Variants in ARHGAP31 observed in about 807,000 individuals in gnomAD.
ARHGAP31 encodes the protein Rho GTPase activating protein 31.
Under a neutral mutation model 113.9 loss-of-function variants are expected in ARHGAP31, and 34 were observed. The observed-to-expected ratio is 0.30, with a 90% CI of 0.23 to 0.40. ARHGAP31 has a LOEUF of 0.40. Ranked by LOEUF, ARHGAP31 falls within the 10% of genes least tolerant of loss-of-function variation. The pLI, the probability that ARHGAP31 is intolerant of heterozygous loss-of-function variation, is 1.00. For missense variants in ARHGAP31, 1,548 were observed against 1,767.1 expected (o/e 0.88, Z 2.22); for synonymous variants, 650 against 684.8 (o/e 0.95, Z 0.79).
At chr3:119,365,466 G>GTGTCCATGCCTC in intron 2 of ARHGAP31, 48 bp downstream of exon 2, 2 of 1,502,516 alleles carry the variant, frequency 1.3e-6, no homozygotes, top group Non-Finnish European at 1.8e-6. Flanking sequence ...GATTCCTCCT[G>GTGTCCATGCCTC]TGTCCATGCC....
chr3:119,302,832 C>T (rs2079596569), intron 1 of ARHGAP31, among the ~76,000 whole-genome samples: 1 of 152,156 alleles, frequency 6.6e-6, no homozygotes, highest in Non-Finnish European at 1.5e-5. Flanking sequence ...TGATTTTGCT[C>T]CCTTTGCTTT....
intron 1 of ARHGAP31, among the ~76,000 whole-genome samples, chr3:119,335,897 G>C (rs931248116): frequency 6.6e-6 from 1 of 152,222 alleles, no homozygotes; most frequent in Non-Finnish European, 1.5e-5. Flanking sequence ...TTCTGGCCAG[G>C]AGCGGTAGCT....
At position 119,415,216 on chromosome 3, in the gene ARHGAP31, G is replaced by A. The variant is rs1488599948; in HGVS notation, c.3287G>A (p.Gly1096Glu). The A allele has an allele frequency of 2.5e-6, 4 of 1,614,022 alleles. 1 individual carries two copies. The highest frequency in any genetic ancestry group is 1.3e-5 in the African/African-American group (1 of 74,904). ...AKLQLKSTEC[G>E]PPKGKNRPSS... ...TTACAGCTAAAGAGCACAGAGTGTG[G>A]GCCCCCAAAAGGGAAAAACAGGCCT... The change falls in exon 12 of 12, where the codon GGG becomes GAG. Residue 1096 changes from glycine (G) to glutamate (E), a missense_variant. By Grantham distance (98) the Gly-to-Glu change is moderately conservative. Coordinates refer to ENST00000264245, the MANE Select transcript of ARHGAP31 (RefSeq NM_020754.4).
chr3:119,343,223 A>G (rs994343488), intron 1 of ARHGAP31, among the ~76,000 whole-genome samples: 1 of 152,150 alleles, frequency 6.6e-6, no homozygotes, highest in Non-Finnish European at 1.5e-5. Flanking sequence ...GGAACTCTGA[A>G]AAAAGAGCAG....
chr3:119,367,865 G>A (rs4687997), intron 2 of ARHGAP31, among the ~76,000 whole-genome samples: 25,617 of 108,946 alleles, frequency 0.24, 2,225 homozygotes, highest in South Asian at 0.36. Flanking sequence ...TCAAAAAAAA[G>A]AAAAAAAAAA....
intron 1 of ARHGAP31, among the ~76,000 whole-genome samples, chr3:119,332,927 G>T (rs751447234): frequency 4.6e-5 from 7 of 152,158 alleles, no homozygotes; most frequent in Non-Finnish European, 4.4e-5. Context: ...TATAGCAGAT[G>T]TTATTTAATT....
At chr3:119,339,503 C>T (rs77000993) in intron 1 of ARHGAP31, among the ~76,000 whole-genome samples, 13,365 of 152,006 alleles carry the variant, frequency 0.088, 769 homozygotes, top group Non-Finnish European at 0.12. Flanking sequence ...AGTATTGAGG[C>T]CTAGTATATA....
At chr3:119,367,703 A>G (rs2080261456) in intron 2 of ARHGAP31, among the ~76,000 whole-genome samples, 1 of 151,930 alleles carries the variant, frequency 6.6e-6, no homozygotes, top group Non-Finnish European at 1.5e-5. Flanking sequence ...CTAAAAATAC[A>G]AAAAATTAGC....
At chr3:119,382,879 A>G (rs1188864535) in intron 5 of ARHGAP31, among the ~76,000 whole-genome samples, 3 of 152,236 alleles carry the variant, frequency 2.0e-5, no homozygotes, top group Non-Finnish European at 4.4e-5. Context: ...AATGTAGAGT[A>G]CCTGGTAACT....
At chr3:119,350,372 C>T (rs771165200) in intron 1 of ARHGAP31, among the ~76,000 whole-genome samples, 1 of 152,176 alleles carries the variant, frequency 6.6e-6, no homozygotes, top group Non-Finnish European at 1.5e-5. Context: ...TAAGCTTTAC[C>T]TGGCTGTTCT....
intron 1 of ARHGAP31, chr3:119,325,075 G>A (rs931821507): frequency 5.0e-6 from 2 of 397,306 alleles, no homozygotes; most frequent in Non-Finnish European, 1.0e-5. Flanking sequence ...TGTGTTTGGT[G>A]CTAATTAAAA....
chr3:119,324,137 A>G (rs1291412496), intron 1 of ARHGAP31, among the ~76,000 whole-genome samples: 1 of 152,210 alleles, frequency 6.6e-6, no homozygotes, highest in Non-Finnish European at 1.5e-5. Flanking sequence ...ATGTAATCCT[A>G]GGCAAGATTA....
chr3:119,308,235 T>C (rs1017499070), intron 1 of ARHGAP31, among the ~76,000 whole-genome samples: 3 of 152,306 alleles, frequency 2.0e-5, no homozygotes, highest in Non-Finnish European at 4.4e-5. Flanking sequence ...CCTCTCTGGG[T>C]TGTGGTGTTT....
chr3:119,305,931 C>A (rs1044799233), intron 1 of ARHGAP31, among the ~76,000 whole-genome samples: 27 of 152,276 alleles, frequency 1.8e-4, no homozygotes, highest in Non-Finnish European at 3.5e-4. Context: ...TTTCCCCCCT[C>A]CTAAGCCTGA....
At chr3:119,319,030 A>T (rs562346296) in intron 1 of ARHGAP31, among the ~76,000 whole-genome samples, 2 of 152,122 alleles carry the variant, frequency 1.3e-5, no homozygotes, top group Admixed American at 1.3e-4. Flanking sequence ...TCATTGTTAA[A>T]AATTCTTCCC....
chr3:119,379,964 C>T (rs1395496232), intron 3 of ARHGAP31, among the ~76,000 whole-genome samples: 1 of 152,192 alleles, frequency 6.6e-6, no homozygotes. Context: ...AACATGGGTG[C>T]AGGTCTGGGA....
At chr3:119,407,439 T>C (rs2080674025) in intron 10 of ARHGAP31, among the ~76,000 whole-genome samples, 1 of 151,660 alleles carries the variant, frequency 6.6e-6, no homozygotes. Flanking sequence ...ATGGGCTTGG[T>C]TCAAGATATG....
intron 1 of ARHGAP31, among the ~76,000 whole-genome samples, chr3:119,312,758 T>G (rs962466721): frequency 6.6e-6 from 1 of 152,214 alleles, no homozygotes; most frequent in Non-Finnish European, 1.5e-5. Flanking sequence ...AGATGGAAAC[T>G]TGCTCTATCT....
intron 10 of ARHGAP31, among the ~76,000 whole-genome samples, chr3:119,408,568 A>T (rs59551807): frequency 0.13 from 19,906 of 152,266 alleles, 1,389 homozygotes; most frequent in South Asian, 0.18. Context: ...TCCTCACATC[A>T]GCCCTGAAAA....
Sources: allele counts gnomAD v4.1 joint callset (sites outside exome capture counted in the v4.1 genomes callset), GRCh38; gene constraint gnomAD v4.1.1; transcripts MANE v1.5; gene names NCBI Gene and HGNC (gene_info 2026-07-23, HGNC 2026-07-21).